The following PABPC4 variants were observed in gnomAD, a reference collection of about 807,000 sequenced individuals.
The protein encoded by PABPC4 is polyadenylate-binding protein 4.
PABPC4 carries 15 observed loss-of-function variants against 74.5 expected under a neutral mutation model. The observed-to-expected ratio is 0.20, with a 90% CI of 0.13 to 0.31. The LOEUF (loss-of-function observed/expected upper bound fraction) is 0.31. Ranked by LOEUF, PABPC4 falls within the 10% of genes least tolerant of loss-of-function variation. The pLI is 1.00. For missense variants in PABPC4, 610 were observed against 853.5 expected, an observed-to-expected ratio of 0.71 and a Z score of 3.55; for synonymous variants, 345 against 303.0, an observed-to-expected ratio of 1.14 and a Z score of -1.44.
chr1:39,569,423 C>T (rs1377075875), intron 5 of PABPC4, 172 bp downstream of exon 5: 7 of 615,284 alleles, frequency 1.1e-5, no homozygotes, highest in Non-Finnish European at 1.2e-5. Flanking sequence ...TTTGTAAACA[C>T]CTACATGAAG....
chr1:39,565,053 G>C, intron 8 of PABPC4, 53 bp downstream of exon 8: 2 of 1,595,426 alleles, frequency 1.3e-6, no homozygotes, highest in Non-Finnish European at 1.7e-6. Flanking sequence ...AACCACTGCA[G>C]AATACTGCCA....
chr1:39,571,134 G>A, intron 3 of PABPC4, 100 bp downstream of exon 3: 1 of 1,588,632 alleles, frequency 6.3e-7, no homozygotes, highest in East Asian at 2.2e-5. Flanking sequence ...GGCCACACTT[G>A]GGCCGAGAAC....
intron 3 of PABPC4, chr1:39,571,007 A>C (rs1335850054): frequency 7.3e-7 from 1 of 1,374,520 alleles, no homozygotes; most frequent in Admixed American, 2.8e-5. Context: ...GATGCCTTTA[A>C]GGGAGAGGCG....
chr1:39,565,955 CAGA>C (rs1645832546), intron 7 of PABPC4, among the ~76,000 whole-genome samples: 1 of 152,188 alleles, frequency 6.6e-6, no homozygotes, highest in African/African-American at 2.4e-5. Flanking sequence ...GGGAACTATT[CAGA>C]AGAACCAGAA....
chr1:39,561,615 G>A, intron 15 of PABPC4, 70 bp downstream of exon 15: 2 of 1,094,864 alleles, frequency 1.8e-6, no homozygotes, highest in Non-Finnish European at 2.8e-6. Context: ...ACAACCTCAG[G>A]TCAAACCACA....
At chr1:39,569,799 A>C (rs1260152424) in intron 4 of PABPC4, 64 bp downstream of exon 4, 22 of 1,598,232 alleles carry the variant, frequency 1.4e-5, no homozygotes, top group Non-Finnish European at 1.7e-5. Context: ...CAGTGCCCTC[A>C]TCTCTTAAGA....
At chr1:39,567,945 T>C in intron 6 of PABPC4, 99 bp from the exon 7 acceptor site, 1 of 667,034 alleles carries the variant, frequency 1.5e-6, no homozygotes, top group Non-Finnish European at 2.6e-6. Context: ...AGCACCAGCA[T>C]CTTTGGGAAC....
At chr1:39,574,333 C>CA (rs576956748) in intron 1 of PABPC4, among the ~76,000 whole-genome samples, 3 of 152,348 alleles carry the variant, frequency 2.0e-5, no homozygotes, top group Non-Finnish European at 4.4e-5. Flanking sequence ...CCCACTTCAA[C>CA]AACAGCTCCT....
rs746771864 is a variant in PABPC4 at position 39,564,698 on chromosome 1, C to T, written c.1321G>A (p.Gly441Arg). The T allele has an allele frequency of 6.2e-7, 1 of 1,614,048 alleles. No homozygotes were observed. ...CCCCACCACCTACCTTGAGGTCTCC[C>T]ACCTTGCTGCCAGCGTGGATTAGGC... ...MRPNPRWQQG[G>R]RPQGFQGMPS... is the part of the protein sequence containing the mutation. Residue 441 changes from glycine to arginine, a missense_variant, in exon 9 of 16, where the codon GGG becomes AGG. This residue lies in a region of PABPC4 where 277 missense variants were observed against 301.8 expected (regional missense o/e 0.92). Transcript: ENST00000372858.
At chr1:39,575,286 T>C (rs1646007695) in intron 1 of PABPC4, among the ~76,000 whole-genome samples, 1 of 152,186 alleles carries the variant, frequency 6.6e-6, no homozygotes. Flanking sequence ...ACTGATCCTT[T>C]ATCAGCACAA....
chr1:39,572,698 G>A (rs1022589459), intron 1 of PABPC4, 112 bp from the exon 2 acceptor site: 2 of 728,830 alleles, frequency 2.7e-6, no homozygotes, highest in Non-Finnish European at 4.5e-6. Flanking sequence ...CTTGATAAAA[G>A]GCAACTCTAT....
Position 39,562,369 on chromosome 1 carries a change from G to T in PABPC4, c.1716C>A (p.Ala572=). The change falls in exon 13 of 16, where the codon GCC becomes GCA. Residue 572 remains alanine (A), a synonymous_variant. Transcript: ENST00000372858. ...VHVQGQEPLT[A]SMLAAAPPQE... is the part of the protein sequence containing the mutation. ...GGGGGGGTGCTGCAGCCAGCATGGAGGCAGTCAGTGGCTCCTGCCCCTGCA... is the reference window on the plus strand; with the variant it reads ...GGGGGGGTGCTGCAGCCAGCATGGATGCAGTCAGTGGCTCCTGCCCCTGCA... The T allele has an allele frequency of 6.2e-7, 1 of 1,614,048 alleles. No homozygotes were observed. The highest frequency in any genetic ancestry group is 8.5e-7 in the Non-Finnish European group (1 of 1,180,014).
chr1:39,562,747 C>G, intron 12 of PABPC4: 1 of 245,270 alleles, frequency 4.1e-6, no homozygotes, highest in East Asian at 8.1e-5. Flanking sequence ...GAATGAAAAG[C>G]CTTGATATAA....
chr1:39,565,896 AC>A (rs957575618), intron 7 of PABPC4, among the ~76,000 whole-genome samples: 5 of 152,116 alleles, frequency 3.3e-5, no homozygotes, highest in Non-Finnish European at 5.9e-5. Flanking sequence ...AACAAAAAAA[AC>A]AAAACAAACC....
rs769512992 is a variant in PABPC4 at position 39,562,403 on chromosome 1, G to A, written c.1682C>T (p.Ala561Val). ...AIQPLQAPQP[A>V]VHVQGQEPLT... ...TGGCTCCTGCCCCTGCACATGGACC[G>A]CAGGCTGGGGTGCCTGGGAACCAGG... Residue 561 changes from alanine (A) to valine (V), a missense_variant, in exon 13 of 16, where the codon GCG becomes GTG. Coordinates refer to ENST00000372858, the MANE Select transcript of PABPC4 (RefSeq NM_001135653.2). The A allele has an allele frequency of 2.5e-6, 4 of 1,613,178 alleles. No individual in the cohort carries two copies. The highest frequency in any genetic ancestry group is 1.1e-5 in the South Asian group (1 of 91,018).
At chr1:39,571,751 T>C (rs777518151) in intron 2 of PABPC4, 6 of 377,872 alleles carry the variant, frequency 1.6e-5, no homozygotes, top group Admixed American at 3.5e-5. Context: ...CACGTGCCTG[T>C]AGTTCCAGCT....
intron 9 of PABPC4, 49 bp downstream of exon 9, chr1:39,564,636 AC>A (rs763992519): frequency 1.6e-5 from 25 of 1,606,870 alleles, no homozygotes; most frequent in Non-Finnish European, 2.0e-5. Flanking sequence ...GGCAGGGGAG[AC>A]CAGGACAGGT....
chr1:39,572,718 A>T, intron 1 of PABPC4, 132 bp from the exon 2 acceptor site: 1 of 627,432 alleles, frequency 1.6e-6, no homozygotes, highest in Non-Finnish European at 2.7e-6. Context: ...TTAAAATAAA[A>T]GGGCATCAGA....
At chr1:39,573,773 C>T (rs1177814679) in intron 1 of PABPC4, among the ~76,000 whole-genome samples, 3 of 152,114 alleles carry the variant, frequency 2.0e-5, no homozygotes, top group South Asian at 2.1e-4. Context: ...GAGCTGAGAT[C>T]GCGCCATTGC....
Sources: allele counts gnomAD v4.1 joint callset (sites outside exome capture counted in the v4.1 genomes callset), GRCh38; gene constraint gnomAD v4.1.1; regional missense constraint gnomAD v4.1.1; transcripts MANE v1.5; gene names NCBI Gene and HGNC (gene_info 2026-07-23, HGNC 2026-07-21).